IGSF10: variants seen among roughly 807,000 people sequenced by gnomAD.
IGSF10 encodes immunoglobulin superfamily member 10, also known as calvaria mechanical force protein 608.
In IGSF10, 126 loss-of-function variants were observed where a neutral mutation model predicts 128.2. That is an observed-to-expected ratio of 0.98 (90% CI 0.85 to 1.14). The LOEUF is 1.14. Ranked by LOEUF, IGSF10 falls within the 50% of genes most tolerant of loss-of-function variation. The pLI, the probability that IGSF10 is intolerant of heterozygous loss-of-function variation, is 0.00. For synonymous variants in IGSF10, 1,185 were observed against 1,146.2 expected, an observed-to-expected ratio of 1.03 and a Z score of -0.68; for missense variants, 3,295 against 3,149.8, an observed-to-expected ratio of 1.05 and a Z score of -1.10.
the IGSF10 span, among the ~76,000 whole-genome samples, chr3:151,585,822 A>G: frequency 6.6e-6 from 1 of 152,166 alleles, no homozygotes; most frequent in Non-Finnish European, 1.5e-5. Flanking sequence ...AAACCTTTAC[A>G]CATTTTAGAA....
downstream of IGSF10, chr3:151,433,993 C>T (rs1232180962): frequency 6.6e-6 from 1 of 152,378 alleles, no homozygotes; most frequent in Non-Finnish European, 1.5e-5. Flanking sequence ...AAAAAGAAAC[C>T]AGTAAATTAT....
chr3:151,523,498 C>A, the IGSF10 span, among the ~76,000 whole-genome samples: 2 of 152,040 alleles, frequency 1.3e-5, no homozygotes, highest in African/African-American at 4.8e-5. Flanking sequence ...GAATAGCAAG[C>A]CCAGAAATAA....
chr3:151,443,801 G>C lies in IGSF10; in HGVS notation c.5146C>G (p.Gln1716Glu), dbSNP rs775694027. ...GAACACAAGTACTGTCCGCGGTCCT[G>C]AATTTCCACCCTCTGGATGGACAGG... ...GTLSIQRVEI[Q>E]DRGQYLCSAS... Residue 1716 changes from glutamine (Q) to glutamate (E), a missense_variant, in exon 7 of 8, where the codon CAG (glutamine) becomes GAG (glutamate). By Grantham distance (29) the Gln-to-Glu change is conservative. Transcript: ENST00000282466. 1.9e-6 allele frequency: 3 copies of C among 1,614,014 alleles called. No individual in the cohort carries two copies. Among genetic ancestry groups the C allele is most frequent in the Middle Eastern group, 3.3e-4 (2 of 6,078 alleles).
At chr3:151,478,700 C>A in the IGSF10 span, among the ~76,000 whole-genome samples, 10 of 152,068 alleles carry the variant, frequency 6.6e-5, no homozygotes, top group Non-Finnish European at 7.4e-5. Flanking sequence ...TTCCAATGCT[C>A]TATAAGAATG....
chr3:151,479,112 G>A, the IGSF10 span, among the ~76,000 whole-genome samples: 1 of 152,120 alleles, frequency 6.6e-6, no homozygotes, highest in African/African-American at 2.4e-5. Context: ...TGTAGTCTAG[G>A]TCAAAGAAAT....
the IGSF10 span, among the ~76,000 whole-genome samples, chr3:151,521,351 G>C: frequency 1.5e-3 from 231 of 151,842 alleles, 1 homozygote; most frequent in Admixed American, 6.1e-3. Flanking sequence ...ACTCAACATT[G>C]GGCCAAATGG....
chr3:151,547,419 A>AATATATAT, the IGSF10 span, among the ~76,000 whole-genome samples: 179 of 141,672 alleles, frequency 1.3e-3, no homozygotes, highest in African/African-American at 4.5e-3. Flanking sequence ...ATATTATATA[A>AATATATAT]ATATATATAT....
chr3:151,522,068 C>G, the IGSF10 span, among the ~76,000 whole-genome samples: 1 of 152,024 alleles, frequency 6.6e-6, no homozygotes, highest in Non-Finnish European at 1.5e-5. Context: ...CTTCTATGAA[C>G]ACCTTTATGA....
downstream of IGSF10, chr3:151,434,036 T>G (rs1392791096): frequency 6.6e-6 from 1 of 152,618 alleles, no homozygotes; most frequent in Non-Finnish European, 1.5e-5. Flanking sequence ...TTCTATATAA[T>G]ATTTTTTTAG....
the IGSF10 span, among the ~76,000 whole-genome samples, chr3:151,585,334 C>T: frequency 1.1e-4 from 16 of 152,130 alleles, no homozygotes; most frequent in Non-Finnish European, 2.1e-4. Flanking sequence ...TTTAAAATGA[C>T]ATATGTGTCT....
At chr3:151,528,032 T>A in the IGSF10 span, among the ~76,000 whole-genome samples, 1 of 152,184 alleles carries the variant, frequency 6.6e-6, no homozygotes, top group East Asian at 1.9e-4. Flanking sequence ...ATATTTTATG[T>A]TTTTAGCCTC....
chr3:151,481,032 G>A, the IGSF10 span, among the ~76,000 whole-genome samples: 5 of 152,058 alleles, frequency 3.3e-5, no homozygotes, highest in African/African-American at 4.8e-5. Context: ...AGCATGCTAC[G>A]CCCCAGGAAG....
the IGSF10 span, among the ~76,000 whole-genome samples, chr3:151,617,314 TTCTTCCCCTCCTCCTCCTCCC>T: frequency 9.0e-5 from 11 of 122,478 alleles, no homozygotes; most frequent in African/African-American, 2.6e-4. Context: ...CTTCTTCTTC[TTCTTCCCCTCCTCCTCCTCCC>T]CCTCCTCCTC....
chr3:151,613,310 T>G, the IGSF10 span, among the ~76,000 whole-genome samples: 1 of 151,986 alleles, frequency 6.6e-6, no homozygotes, highest in Non-Finnish European at 1.5e-5. Flanking sequence ...CTTCACAGAA[T>G]TGGAAAAAAC....
the IGSF10 span, among the ~76,000 whole-genome samples, chr3:151,494,510 T>C: frequency 6.6e-6 from 1 of 152,062 alleles, no homozygotes; most frequent in Non-Finnish European, 1.5e-5. Context: ...CATTGTTTAG[T>C]GATGACTTTT....
At chr3:151,512,558 G>A in the IGSF10 span, among the ~76,000 whole-genome samples, 49 of 152,044 alleles carry the variant, frequency 3.2e-4, no homozygotes, top group Admixed American at 2.8e-3. Context: ...AAGAACTAGA[G>A]AAGCAAGAGC....
At chr3:151,451,272 C>A (rs1212101687) in intron 5 of IGSF10, among the ~76,000 whole-genome samples, 1 of 151,466 alleles carries the variant, frequency 6.6e-6, no homozygotes, top group Non-Finnish European at 1.5e-5. Context: ...AAGTACTTAC[C>A]AATCATCCTT....
At chr3:151,492,873 A>G in the IGSF10 span, among the ~76,000 whole-genome samples, 7 of 152,164 alleles carry the variant, frequency 4.6e-5, no homozygotes, top group Non-Finnish European at 7.3e-5. Context: ...AATAGCAAAG[A>G]TTGGAAACAG....
chr3:151,548,220 C>T, the IGSF10 span, among the ~76,000 whole-genome samples: 1 of 152,168 alleles, frequency 6.6e-6, no homozygotes, highest in Non-Finnish European at 1.5e-5. Flanking sequence ...TCTGACTACC[C>T]TAAACATTAT....
Sources: allele counts gnomAD v4.1 joint callset (sites outside exome capture counted in the v4.1 genomes callset), GRCh38; gene constraint gnomAD v4.1.1; transcripts MANE v1.5; gene names NCBI Gene and HGNC (gene_info 2026-07-23, HGNC 2026-07-21).